CSMD3: variants seen among roughly 807,000 people sequenced by gnomAD.
CSMD3 encodes CUB and sushi domain-containing protein 3.
A neutral mutation model predicts 435.2 loss-of-function variants in CSMD3; 177 were observed. The ratio of observed to expected loss-of-function variants is 0.41; its 90% CI spans 0.36 to 0.46. The LOEUF is 0.46. Among genes scored for constraint, CSMD3 ranks in the 20% least tolerant of loss-of-function variants. The pLI, the probability that CSMD3 is intolerant of heterozygous loss-of-function variation, is 0.34. For synonymous variants in CSMD3, 1,656 were observed against 1,520.5 expected, an observed-to-expected ratio of 1.09 and a Z score of -2.07; for missense variants, 4,265 against 4,504.6, an observed-to-expected ratio of 0.95 and a Z score of 1.52.
At chr8:113,171,388 GA>G (rs756661060) in intron 4 of CSMD3, among the ~76,000 whole-genome samples, 2 of 152,088 alleles carry the variant, frequency 1.3e-5, no homozygotes, top group Non-Finnish European at 2.9e-5. Context: ...GCTATTGTCT[GA>G]ATTGAGATGA....
chr8:112,328,230 A>T (rs149023041), intron 45 of CSMD3, among the ~76,000 whole-genome samples: 48 of 152,310 alleles, frequency 3.2e-4, no homozygotes, highest in African/African-American at 1.0e-3. Flanking sequence ...ATGTTCTGTT[A>T]TGCAGTTTGG....
At chr8:113,015,391 T>C (rs1386668973) in intron 6 of CSMD3, among the ~76,000 whole-genome samples, 1 of 151,992 alleles carries the variant, frequency 6.6e-6, no homozygotes, top group Admixed American at 6.6e-5. Flanking sequence ...AAAAATAAAT[T>C]TCTGTAAAAT....
At chr8:112,365,246 T>C (rs1221163024) in intron 38 of CSMD3, among the ~76,000 whole-genome samples, 3 of 152,154 alleles carry the variant, frequency 2.0e-5, no homozygotes, top group African/African-American at 7.2e-5. Context: ...ATCCCCTTTG[T>C]TATTAACAGA....
chr8:112,428,604 G>A lies in CSMD3; in HGVS notation c.5396-19572C>T, dbSNP rs140257023. Among the ~76,000 whole-genome samples the A allele has an allele frequency of 8.0e-3, 1,217 of 152,248 alleles. 23 individuals are homozygous for A. Among genetic ancestry groups the A allele is most frequent in the African/African-American group, 0.027 (1,130 of 41,558 alleles). On this transcript the variant is annotated intron_variant, in intron 32 of 70. Coordinates refer to ENST00000297405, the MANE Select transcript of CSMD3 (RefSeq NM_198123.2). ...AAAAATTTCACAGGCTAGTGGAGGAGTCCAATACATTAGCAAATACTTACC... is the reference window on the plus strand; with the variant it reads ...AAAAATTTCACAGGCTAGTGGAGGAATCCAATACATTAGCAAATACTTACC...
intron 45 of CSMD3, among the ~76,000 whole-genome samples, chr8:112,320,761 T>G (rs948446076): frequency 2.0e-5 from 3 of 151,514 alleles, no homozygotes; most frequent in African/African-American, 7.3e-5. Flanking sequence ...AAAAGAAAAC[T>G]GTTAAAGAGA....
At chr8:113,180,563 A>G (rs1352374881) in intron 3 of CSMD3, among the ~76,000 whole-genome samples, 1 of 152,046 alleles carries the variant, frequency 6.6e-6, no homozygotes, top group Non-Finnish European at 1.5e-5. Flanking sequence ...AGAATTTAGC[A>G]CACTGTGTTG....
chr8:112,506,615 G>T (rs2130929435), intron 29 of CSMD3, 76 bp downstream of exon 29: 2 of 1,357,312 alleles, frequency 1.5e-6, no homozygotes, highest in Non-Finnish European at 2.1e-6. Flanking sequence ...ATAGGAATTA[G>T]TCTAGTACAA....
At chr8:113,084,138 A>C (rs2089667964) in intron 5 of CSMD3, among the ~76,000 whole-genome samples, 1 of 152,190 alleles carries the variant, frequency 6.6e-6, no homozygotes, top group Non-Finnish European at 1.5e-5. Flanking sequence ...AATAAAAGGC[A>C]TCCAAATTAC....
rs79978419 is a variant in CSMD3 at position 113,163,400 on chromosome 8, A to G, written c.709+10322T>C. Among the ~76,000 whole-genome samples the G allele has an allele frequency of 5.3e-3, 805 of 152,146 alleles. 11 individuals are homozygous for G. The highest frequency in any genetic ancestry group is 0.019 in the African/African-American group (778 of 41,556). Reference sequence around the variant, plus strand: ...TGTGTGTGAGAAATGCAATCATATAACAACTTCAGAAAAGCTTGAAATTAA... The same window carrying G: ...TGTGTGTGAGAAATGCAATCATATAGCAACTTCAGAAAAGCTTGAAATTAA... On this transcript the variant is annotated intron_variant, in intron 4 of 70. Transcript: ENST00000297405.
chr8:112,433,113 C>T (rs971351871), intron 32 of CSMD3, among the ~76,000 whole-genome samples: 2 of 151,890 alleles, frequency 1.3e-5, no homozygotes, highest in African/African-American at 4.8e-5. Context: ...AAAGTACAGG[C>T]TAATCAGTTC....
In CSMD3 at chr8:112,733,823, T is replaced by C. The variant is rs557672154; in HGVS notation, c.1973-43773A>G. Among the ~76,000 whole-genome samples, 15 of 152,106 alleles carry C rather than the reference T, an allele frequency of 9.9e-5. No individual in the cohort carries two copies. In the East Asian group the frequency reaches 2.9e-3, roughly 29 times the overall value. ...TAAAAATAACACTTTTCTTTGACTT[T>C]GGGCAACACATAATGTCTGTGTTGA... On this transcript the variant is annotated intron_variant, in intron 13 of 70. Transcript: ENST00000297405.
intron 35 of CSMD3, among the ~76,000 whole-genome samples, chr8:112,397,118 A>C (rs1830919582): frequency 6.6e-6 from 1 of 152,252 alleles, no homozygotes; most frequent in South Asian, 2.1e-4. Context: ...ATATTTTAAG[A>C]CATGACCATT....
At chr8:112,380,321 C>G (rs538015134) in intron 38 of CSMD3, 31 bp downstream of exon 38, 2 of 1,185,618 alleles carry the variant, frequency 1.7e-6, no homozygotes, top group African/African-American at 3.0e-5. Context: ...TGTTCTTAAC[C>G]TTTTTGAATG....
intron 13 of CSMD3, among the ~76,000 whole-genome samples, chr8:112,693,912 T>C (rs1322281983): frequency 6.6e-6 from 1 of 151,596 alleles, no homozygotes; most frequent in South Asian, 2.1e-4. Context: ...CACACATTTA[T>C]ATATTTATAT....
chr8:112,961,900 A>G (rs2084245184), intron 7 of CSMD3, among the ~76,000 whole-genome samples: 2 of 151,956 alleles, frequency 1.3e-5, no homozygotes, highest in African/African-American at 4.8e-5. Context: ...GGTATGCTGT[A>G]AAATGTCAGG....
At chr8:112,721,901 G>A (rs2076866393) in intron 13 of CSMD3, among the ~76,000 whole-genome samples, 1 of 152,050 alleles carries the variant, frequency 6.6e-6, no homozygotes, top group African/African-American at 2.4e-5. Context: ...CACTACAAAT[G>A]CAAGAATATG....
intron 11 of CSMD3, among the ~76,000 whole-genome samples, chr8:112,834,130 A>T (rs1263559409): frequency 6.6e-6 from 1 of 151,934 alleles, no homozygotes; most frequent in Non-Finnish European, 1.5e-5. Context: ...GCATGTATGT[A>T]TGCAACAATG....
intron 11 of CSMD3, among the ~76,000 whole-genome samples, chr8:112,832,542 A>C (rs890774782): frequency 2.0e-5 from 3 of 152,164 alleles, no homozygotes; most frequent in African/African-American, 7.2e-5. Flanking sequence ...TTGAAGATAC[A>C]AACTGCCATG....
intron 5 of CSMD3, among the ~76,000 whole-genome samples, chr8:113,053,342 TA>T (rs1352923198): frequency 1.3e-5 from 2 of 152,168 alleles, no homozygotes; most frequent in African/African-American, 2.4e-5. Context: ...TTATATAATT[TA>T]AGTAGGAATA....
Sources: gnomAD v4.1 joint callset for allele counts (sites outside exome capture counted in the v4.1 genomes callset) on GRCh38, gnomAD v4.1.1 for gene constraint, MANE v1.5 for transcripts, NCBI Gene and HGNC (gene_info 2026-07-23, HGNC 2026-07-21) for gene names.